Variants in FSTL4 observed in about 807,000 individuals in gnomAD.
FSTL4 encodes follistatin like 4.
Under a neutral mutation model 78.2 loss-of-function variants are expected in FSTL4, and 28 were observed. The observed-to-expected ratio is 0.36, with a 90% CI of 0.27 to 0.49. The LOEUF (loss-of-function observed/expected upper bound fraction) is 0.49. Ranked by LOEUF, FSTL4 falls within the 20% of genes least tolerant of loss-of-function variation. FSTL4 has a pLI of 0.98. For synonymous variants in FSTL4, 422 were observed against 440.5 expected (o/e 0.96, Z 0.53); for missense variants, 922 against 1,084.9 (o/e 0.85, Z 2.11).
At chr5:133,222,811 T>C (rs1478764993) in intron 11 of FSTL4, among the ~76,000 whole-genome samples, 1 of 152,220 alleles carries the variant, frequency 6.6e-6, no homozygotes, top group Non-Finnish European at 1.5e-5. Context: ...TCTGTTCTCC[T>C]CTCATTTCTC....
the FSTL4 span, among the ~76,000 whole-genome samples, chr5:133,765,383 C>T: frequency 4.6e-5 from 7 of 152,170 alleles, no homozygotes; most frequent in African/African-American, 9.7e-5. Flanking sequence ...ACAGGATGTC[C>T]GGGGACCTAA....
intron 2 of FSTL4, among the ~76,000 whole-genome samples, chr5:133,601,347 T>C (rs1760864234): frequency 6.6e-6 from 1 of 152,136 alleles, no homozygotes; most frequent in African/African-American, 2.4e-5. Flanking sequence ...ATCCATATGC[T>C]AACGTAAAAA....
chr5:133,750,007 G>A, the FSTL4 span, among the ~76,000 whole-genome samples: 9 of 152,272 alleles, frequency 5.9e-5, no homozygotes, highest in Admixed American at 5.2e-4. Context: ...CTTCTCTCCA[G>A]GGGGCTCCCA....
Position 133,210,244 on chromosome 5 carries a change from G to A in FSTL4, c.1663C>T (p.Gln555Ter), listed in dbSNP as rs1750662560. The A allele has an allele frequency of 6.2e-7, 1 of 1,612,926 alleles. No homozygotes were observed. The highest frequency in any genetic ancestry group is 1.7e-5 in the Admixed American group (1 of 59,984). ...AKLSYDKSHD[Q>*]VWVLSWGDVH... is the part of the protein sequence containing the mutation. Reference sequence around the variant, plus strand: ...TCCCCCCAGCTCAGGACCCACACTTGGTCATGTGACTTGTCATAGGACAGC... The same window carrying A: ...TCCCCCCAGCTCAGGACCCACACTTAGTCATGTGACTTGTCATAGGACAGC... Residue 555 changes from glutamine (Q) to a stop codon, truncating the protein, a stop_gained, in exon 14 of 16, where the codon CAA becomes TAA. Coordinates refer to ENST00000265342, the MANE Select transcript of FSTL4 (RefSeq NM_015082.2). LOFTEE classifies it high-confidence loss of function.
At chr5:133,650,750 C>T in the FSTL4 span, among the ~76,000 whole-genome samples, 46 of 152,252 alleles carry the variant, frequency 3.0e-4, no homozygotes, top group Non-Finnish European at 5.6e-4. Context: ...TGTCCTTCAA[C>T]ATTGTTCTGG....
At chr5:133,287,537 C>T (rs79753233) in intron 6 of FSTL4, among the ~76,000 whole-genome samples, 2,442 of 152,158 alleles carry the variant, frequency 0.016, 63 homozygotes, top group African/African-American at 0.055. Flanking sequence ...TGATGGAGGC[C>T]GCAGTTGGGT....
At chr5:133,239,828 C>G (rs981950761) in intron 7 of FSTL4, among the ~76,000 whole-genome samples, 4 of 152,200 alleles carry the variant, frequency 2.6e-5, no homozygotes, top group East Asian at 1.9e-4. Flanking sequence ...ACTTTTGTGT[C>G]TAGCTCAGGG....
chr5:133,308,376 A>G (rs1236131882), intron 6 of FSTL4, among the ~76,000 whole-genome samples: 3 of 152,026 alleles, frequency 2.0e-5, no homozygotes. Flanking sequence ...CTTGTTACTT[A>G]CTATCCAAAA....
At chr5:133,376,838 G>A (rs1415203871) in intron 4 of FSTL4, among the ~76,000 whole-genome samples, 5 of 149,518 alleles carry the variant, frequency 3.3e-5, no homozygotes, top group South Asian at 2.1e-4. Context: ...GCAGTGAGCC[G>A]AGATTGTGCC....
chr5:133,552,436 A>C (rs1759705602), intron 3 of FSTL4, among the ~76,000 whole-genome samples: 1 of 152,210 alleles, frequency 6.6e-6, no homozygotes, highest in African/African-American at 2.4e-5. Context: ...CTCTCACCCA[A>C]GCCTGTTGCT....
chr5:133,525,938 T>C (rs1215619424), intron 3 of FSTL4, among the ~76,000 whole-genome samples: 1 of 152,220 alleles, frequency 6.6e-6, no homozygotes, highest in Non-Finnish European at 1.5e-5. Context: ...GACATATTAG[T>C]TGAGCATGTA....
At chr5:133,539,350 C>T (rs144785292) in intron 3 of FSTL4, among the ~76,000 whole-genome samples, 7 of 152,018 alleles carry the variant, frequency 4.6e-5, no homozygotes, top group African/African-American at 7.3e-5. Flanking sequence ...AATCCAGGAT[C>T]GAAATCAGGT....
In FSTL4 at chr5:133,282,627, T is replaced by C. The variant is rs556328274; in HGVS notation, c.727+30027A>G. 7.9e-5 allele frequency among the ~76,000 whole-genome samples: 12 copies of C among 152,222 alleles called. No homozygotes were observed. The South Asian group carries it at 2.5e-3, about 32-fold the overall frequency. On this transcript the variant is annotated intron_variant, in intron 6 of 15. Transcript: ENST00000265342. ...TCTTCCGTTCTGGGAATGACAGCCATCCCCTCTTCGTGCCCTGGGGGCTGG... is the reference window on the plus strand; with the variant it reads ...TCTTCCGTTCTGGGAATGACAGCCACCCCCTCTTCGTGCCCTGGGGGCTGG...
chr5:133,354,741 T>C (rs10515460), intron 4 of FSTL4, among the ~76,000 whole-genome samples: 22,023 of 152,160 alleles, frequency 0.14, 1,884 homozygotes, highest in East Asian at 0.38. Flanking sequence ...CTTGAGACAA[T>C]CTTATAATTC....
the FSTL4 span, among the ~76,000 whole-genome samples, chr5:133,739,849 G>C: frequency 6.6e-6 from 1 of 151,798 alleles, no homozygotes; most frequent in East Asian, 1.9e-4. Context: ...AGAGCTCCCA[G>C]CTAGTAAGGA....
intron 2 of FSTL4, among the ~76,000 whole-genome samples, chr5:133,569,221 T>C (rs1760097201): frequency 2.6e-5 from 4 of 152,228 alleles, no homozygotes; most frequent in African/African-American, 9.6e-5. Context: ...AGCAATTATC[T>C]TATCTCTTCT....
At chr5:133,569,446 T>A (rs1389863936) in intron 2 of FSTL4, among the ~76,000 whole-genome samples, 2 of 152,232 alleles carry the variant, frequency 1.3e-5, no homozygotes, top group Admixed American at 1.3e-4. Flanking sequence ...TACTGAGTTT[T>A]AAAAATAAAT....
chr5:133,830,782 C>G, the FSTL4 span, among the ~76,000 whole-genome samples: 1 of 152,180 alleles, frequency 6.6e-6, no homozygotes, highest in Admixed American at 6.5e-5. Context: ...CTCCGCGGCA[C>G]AGCCTGAAGC....
chr5:133,446,385 AGC>A (rs1757265506), intron 3 of FSTL4, among the ~76,000 whole-genome samples: 1 of 152,196 alleles, frequency 6.6e-6, no homozygotes, highest in Non-Finnish European at 1.5e-5. Flanking sequence ...GGCTGCAGTG[AGC>A]CGAGATCGAA....
Sources: gnomAD v4.1 joint callset for allele counts (sites outside exome capture counted in the v4.1 genomes callset) on GRCh38, gnomAD v4.1.1 for gene constraint, MANE v1.5 for transcripts, NCBI Gene and HGNC (gene_info 2026-07-23, HGNC 2026-07-21) for gene names.